SCFD1: variants seen among roughly 807,000 people sequenced by gnomAD.
SCFD1 encodes sec1 family domain-containing protein 1.
In SCFD1, 37 loss-of-function variants were observed where a neutral mutation model predicts 103.2. That is an observed-to-expected ratio of 0.36 (90% CI 0.28 to 0.47). The LOEUF is 0.47. SCFD1 is among the 20% of genes least tolerant of loss of function. The pLI is 1.00. For missense variants in SCFD1, 639 were observed against 761.2 expected (o/e 0.84, Z 1.89); for synonymous variants, 264 against 245.0 (o/e 1.08, Z -0.73).
chr14:30,706,367 G>A (rs72666434), intron 18 of SCFD1, among the ~76,000 whole-genome samples: 8,975 of 152,128 alleles, frequency 0.059, 355 homozygotes, highest in Non-Finnish European at 0.09. Flanking sequence ...ACACCTAAAT[G>A]TTAATAGTGG....
chr14:30,647,507 T>G (rs1371692028), intron 7 of SCFD1, among the ~76,000 whole-genome samples: 2 of 152,072 alleles, frequency 1.3e-5, no homozygotes, highest in South Asian at 2.1e-4. Context: ...TAAAAATATA[T>G]ATTACCTTAT....
At chr14:30,650,438 A>G in intron 8 of SCFD1, 127 bp from the exon 9 acceptor site, 1 of 655,356 alleles carries the variant, frequency 1.5e-6, no homozygotes, top group Non-Finnish European at 2.7e-6. Flanking sequence ...AAATATTTAG[A>G]TATTAGATTT....
Position 30,627,468 on chromosome 14 carries a change from C to T in SCFD1, c.62-741C>T, listed in dbSNP as rs188078465. On this transcript the variant is annotated intron_variant, in intron 1 of 24. Coordinates refer to ENST00000458591, the MANE Select transcript of SCFD1 (RefSeq NM_016106.4). Reference sequence around the variant, plus strand: ...TGTTTTTAGAAAGACTGATCCAGGCCGGGCGTGGTGGCTCACGCCTGTAAT... The same window carrying T: ...TGTTTTTAGAAAGACTGATCCAGGCTGGGCGTGGTGGCTCACGCCTGTAAT... Among the ~76,000 whole-genome samples, 108 of 152,214 alleles carry T rather than the reference C, an allele frequency of 7.1e-4. 3 individuals carry two copies. The East Asian group carries it at 0.015, about 22-fold the overall frequency.
rs534329291 is a variant in SCFD1, at chr14:30,701,743, G to C, written c.1411-553G>C. ...TGTCTTTTCATAAATTTAAGTGATC[G>C]TTAAGATAGGCTCCTTTAAGTTACA... On this transcript the variant is annotated intron_variant, in intron 16 of 24. Coordinates refer to ENST00000458591, the MANE Select transcript of SCFD1 (RefSeq NM_016106.4). 1.1e-4 allele frequency among the ~76,000 whole-genome samples: 16 copies of C among 151,818 alleles called. No individual in the cohort carries two copies. In the South Asian group the frequency reaches 3.1e-3, roughly 30 times the overall value.
chr14:30,658,415 T>C (rs1887115895), intron 10 of SCFD1: 1 of 154,978 alleles, frequency 6.5e-6, no homozygotes, highest in African/African-American at 2.4e-5. Context: ...TTTTTTGAGA[T>C]GGAGTCTTGC....
At chr14:30,694,723 T>C in intron 14 of SCFD1, 50 bp from the exon 15 acceptor site, 1 of 1,529,182 alleles carries the variant, frequency 6.5e-7, no homozygotes, top group Non-Finnish European at 8.7e-7. Flanking sequence ...TAGATCATTA[T>C]GTATTTTAAT....
intron 4 of SCFD1, among the ~76,000 whole-genome samples, chr14:30,637,730 T>C (rs1445743444): frequency 6.6e-6 from 1 of 152,140 alleles, no homozygotes; most frequent in Non-Finnish European, 1.5e-5. Flanking sequence ...ATAACTTGTC[T>C]GTGTGCAATG....
chr14:30,672,371 T>A (rs1380541866), intron 11 of SCFD1, among the ~76,000 whole-genome samples: 1 of 152,172 alleles, frequency 6.6e-6, no homozygotes, highest in Non-Finnish European at 1.5e-5. Context: ...CAGAATCCTT[T>A]CTGAGCTCCT....
At chr14:30,659,665 T>C (rs184777874) in intron 10 of SCFD1, among the ~76,000 whole-genome samples, 3 of 152,184 alleles carry the variant, frequency 2.0e-5, no homozygotes, top group Admixed American at 6.5e-5. Flanking sequence ...TTCCCAAATA[T>C]ATTGCTGATG....
chr14:30,692,837 CATT>C (rs1355962765), intron 14 of SCFD1, among the ~76,000 whole-genome samples: 1 of 152,164 alleles, frequency 6.6e-6, no homozygotes, highest in African/African-American at 2.4e-5. Flanking sequence ...CTAGTATCAT[CATT>C]GTCATTCCCC....
intron 21 of SCFD1, among the ~76,000 whole-genome samples, chr14:30,720,959 G>A (rs951552231): frequency 2.6e-5 from 4 of 152,132 alleles, no homozygotes; most frequent in Admixed American, 6.5e-5. Flanking sequence ...AGACAGATAA[G>A]CTTAGAGTTT....
chr14:30,673,905 G>A lies in SCFD1; in HGVS notation c.1087-19G>A. 1 of 1,589,698 alleles carries A rather than the reference G, an allele frequency of 6.3e-7. No individual in the cohort carries two copies. Among genetic ancestry groups the A allele is most frequent in the Non-Finnish European group, 8.6e-7 (1 of 1,157,966 alleles). On this transcript the variant is annotated intron_variant, in intron 12 of 24. Coordinates refer to ENST00000458591, the MANE Select transcript of SCFD1 (RefSeq NM_016106.4). ...CCTGGGATTTTTGAGTAGCTATTGA[G>A]ACCTTTTTTCTTTACAAGGGACTAG... is the stretch of plus-strand genomic sequence containing the variant.
rs370208551 is a variant in SCFD1 at position 30,681,858 on chromosome 14, A to G, written c.1242+6793A>G. The stretch of plus-strand genomic sequence containing the variant: ...TATAGATTTCATGTGACTGTTTCGT[A>G]TAGCAACTTTCATGAAACCCAGGGA... On this transcript the variant is annotated intron_variant, in intron 14 of 24. Transcript: ENST00000458591. 9.8e-5 allele frequency among the ~76,000 whole-genome samples: 15 copies of G among 152,304 alleles called. No homozygotes were observed. The East Asian group carries it at 2.3e-3, about 24-fold the overall frequency.
rs73251167 is a variant in SCFD1, at chr14:30,643,444, A to G, written c.613+39A>G. 3.4e-3 allele frequency: 4,554 copies of G among 1,333,882 alleles called. 154 individuals carry two copies. In the African/African-American group the frequency reaches 0.057, roughly 17 times the overall value. 82.6% of individuals were successfully genotyped at this position (1,333,882 alleles called of 1,614,324 possible). A position where few individuals can be genotyped will look rare whatever the true frequency, so the allele number is the denominator to read the frequency against. ...TCTTTCTGGTTATTCTTCAAAGTAAATTATTTAACAAGTAATTTTAATGTA... is the reference window on the plus strand; with the variant it reads ...TCTTTCTGGTTATTCTTCAAAGTAAGTTATTTAACAAGTAATTTTAATGTA... On this transcript the variant is annotated intron_variant, in intron 7 of 24. Coordinates refer to ENST00000458591, the MANE Select transcript of SCFD1 (RefSeq NM_016106.4).
At chr14:30,624,543 T>C in intron 1 of SCFD1, among the ~76,000 whole-genome samples, 1 of 152,204 alleles carries the variant, frequency 6.6e-6, no homozygotes, top group East Asian at 1.9e-4. Context: ...AGTTCTACTC[T>C]GAAAATACAT....
intron 6 of SCFD1, among the ~76,000 whole-genome samples, chr14:30,643,019 TTTAA>T (rs1885440492): frequency 6.6e-6 from 1 of 151,850 alleles, no homozygotes; most frequent in African/African-American, 2.4e-5. Context: ...AAAAAAATTG[TTTAA>T]TTAGCCGGGC....
intron 19 of SCFD1, among the ~76,000 whole-genome samples, chr14:30,710,794 G>A (rs1468313873): frequency 6.6e-6 from 1 of 152,102 alleles, no homozygotes; most frequent in Non-Finnish European, 1.5e-5. Context: ...AGAGGTAAGA[G>A]GTATCAAAGA....
chr14:30,726,210 G>T (rs1411921263), intron 23 of SCFD1, among the ~76,000 whole-genome samples: 1 of 151,996 alleles, frequency 6.6e-6, no homozygotes, highest in East Asian at 1.9e-4. Context: ...TAAAAAAATT[G>T]CAGTTTACCA....
intron 7 of SCFD1, among the ~76,000 whole-genome samples, chr14:30,647,313 C>T (rs1451063033): frequency 6.6e-6 from 1 of 151,912 alleles, no homozygotes; most frequent in Non-Finnish European, 1.5e-5. Context: ...AATGTTTAGA[C>T]ATGTAGAGAA....
Sources: gnomAD v4.1 joint callset for allele counts (sites outside exome capture counted in the v4.1 genomes callset) on GRCh38, gnomAD v4.1.1 for gene constraint, MANE v1.5 for transcripts, NCBI Gene and HGNC (gene_info 2026-07-23, HGNC 2026-07-21) for gene names.